The following PSME4 variants were observed in gnomAD, a reference collection of about 807,000 sequenced individuals.
PSME4 encodes the protein proteasome activator complex subunit 4.
PSME4 carries 89 observed loss-of-function variants against 253.9 expected under a neutral mutation model. The observed-to-expected ratio is 0.35, with a 90% CI of 0.30 to 0.42. The LOEUF (loss-of-function observed/expected upper bound fraction) is 0.42, where lower values mean the gene tolerates loss of function less well. PSME4 is among the 10% of genes least tolerant of loss of function. PSME4 has a pLI of 1.00. For synonymous variants in PSME4, 851 were observed against 759.2 expected (o/e 1.12, Z -1.99); for missense variants, 2,014 against 2,195.2 (o/e 0.92, Z 1.65).
At chr2:53,956,397 G>A (rs921556982) in intron 1 of PSME4, among the ~76,000 whole-genome samples, 1 of 151,662 alleles carries the variant, frequency 6.6e-6, no homozygotes, top group Non-Finnish European at 1.5e-5. Context: ...GGGCATGGTG[G>A]TTAGTGCCTA....
chr2:53,934,635 T>G lies in PSME4; in HGVS notation c.927A>C (p.Gly309=). ...PRFLTNAYDI[G]HAVIWITAMM... is the part of the protein sequence containing the mutation. ...TGGCGGTGATCCATATTACAGCATG[T>G]CCTATATCATAAGCATTTGTTAAAA... Residue 309 remains glycine, a synonymous_variant, in exon 8 of 47, where the codon GGA becomes GGC. Coordinates refer to ENST00000404125, the MANE Select transcript of PSME4 (RefSeq NM_014614.3). The G allele has an allele frequency of 6.2e-7, 1 of 1,613,020 alleles. No individual in the cohort carries two copies. The highest frequency in any genetic ancestry group is 8.5e-7 in the Non-Finnish European group (1 of 1,179,216).
intron 3 of PSME4, among the ~76,000 whole-genome samples, chr2:53,945,512 A>C (rs577218158): frequency 6.6e-6 from 1 of 152,296 alleles, no homozygotes; most frequent in African/African-American, 2.4e-5. Context: ...AAGGAAGAGA[A>C]GAAAAGAGGG....
Position 53,896,792 on chromosome 2 carries a change from G to A in PSME4, c.3688+12C>T, listed in dbSNP as rs376463207. 3 of 1,578,578 alleles carry A rather than the reference G, an allele frequency of 1.9e-6. No homozygotes were observed. In the African/African-American group the frequency reaches 4.1e-5, roughly 21 times the overall value. The stretch of plus-strand genomic sequence containing the variant: ...TTGGAAAGCACTATTAATTACTTCT[G>A]GTAGTACTCACTGATTTCACAGGGG... On this transcript the variant is annotated intron_variant, in intron 32 of 46. Transcript: ENST00000404125.
intron 20 of PSME4, among the ~76,000 whole-genome samples, chr2:53,916,223 TA>T (rs1263819580): frequency 8.9e-6 from 1 of 112,306 alleles, no homozygotes; most frequent in East Asian, 2.6e-4. Flanking sequence ...GCCTGGGCAA[TA>T]GGGCGAGACT....
At chr2:53,910,012 G>A in intron 21 of PSME4, 63 bp downstream of exon 21, 1 of 1,277,980 alleles carries the variant, frequency 7.8e-7, no homozygotes, top group Non-Finnish European at 1.1e-6. Flanking sequence ...CTTCATTTTA[G>A]TCCTTGTGGA....
chr2:53,970,045 C>G (rs551650175), intron 1 of PSME4, among the ~76,000 whole-genome samples: 1 of 152,166 alleles, frequency 6.6e-6, no homozygotes, highest in Non-Finnish European at 1.5e-5. Flanking sequence ...TCCCTATGGT[C>G]TTCTCTCCAT....
intron 43 of PSME4, among the ~76,000 whole-genome samples, chr2:53,872,967 G>A (rs1044754293): frequency 3.3e-5 from 5 of 151,578 alleles, no homozygotes; most frequent in African/African-American, 2.4e-5. Flanking sequence ...CAGGCCAGGC[G>A]TGGTGGCTCA....
chr2:53,935,141 A>AGT (rs1184713883), intron 7 of PSME4, among the ~76,000 whole-genome samples: 1 of 152,244 alleles, frequency 6.6e-6, no homozygotes, highest in Non-Finnish European at 1.5e-5. Flanking sequence ...CCTAAATGCA[A>AGT]GTATCTTCTA....
At chr2:53,922,656 C>G (rs1420246328) in intron 16 of PSME4, 72 bp from the exon 17 acceptor site, 57 of 1,505,114 alleles carry the variant, frequency 3.8e-5, no homozygotes, top group Non-Finnish European at 5.0e-5. Context: ...TAAAATACTT[C>G]TATTTAATAT....
intron 31 of PSME4, 69 bp from the exon 32 acceptor site, chr2:53,896,954 TC>T (rs1667098660): frequency 1.4e-5 from 16 of 1,145,762 alleles, no homozygotes; most frequent in Non-Finnish European, 2.1e-5. Flanking sequence ...TCTGCTTTAC[TC>T]AAAGCAGAAA....
chr2:53,935,285 G>T (rs1433484368), intron 7 of PSME4, among the ~76,000 whole-genome samples: 1 of 152,102 alleles, frequency 6.6e-6, no homozygotes, highest in Non-Finnish European at 1.5e-5. Context: ...ATAGGTAGCG[G>T]CCCAAAGGTG....
At chr2:53,934,564 T>C (rs1324097969) in intron 8 of PSME4, 41 bp downstream of exon 8, 24 of 1,572,658 alleles carry the variant, frequency 1.5e-5, no homozygotes, top group East Asian at 6.8e-5. Context: ...TAACACAAAA[T>C]AGGCGTAAAC....
At chr2:53,890,688 C>T (rs1007843342) in intron 36 of PSME4, among the ~76,000 whole-genome samples, 1 of 151,916 alleles carries the variant, frequency 6.6e-6, no homozygotes, top group African/African-American at 2.4e-5. Flanking sequence ...AAATTTTTTC[C>T]CAAAAAATAT....
chr2:53,876,817 C>T (rs1456008248), intron 41 of PSME4, among the ~76,000 whole-genome samples: 4 of 145,074 alleles, frequency 2.8e-5, no homozygotes, highest in East Asian at 2.1e-4. Context: ...TTTCTGGGGT[C>T]GGTGATCCTC....
Position 53,910,234 on chromosome 2 carries a change from T to C in PSME4, c.2517-104A>G. The C allele has an allele frequency of 5.6e-6, 5 of 891,768 alleles. No individual in the cohort carries two copies. The South Asian group carries it at 7.2e-5, about 13-fold the overall frequency. The allele number at this position is 891,768 out of a possible 1,614,324, so 55.2% of individuals were successfully genotyped here. ...TGTTTAAACCAAAACAAAGATAATGTTCTTTTAACAGACACAGATTTCCCA... is the reference window on the plus strand; with the variant it reads ...TGTTTAAACCAAAACAAAGATAATGCTCTTTTAACAGACACAGATTTCCCA... On this transcript the variant is annotated intron_variant, in intron 20 of 46. Transcript: ENST00000404125.
chr2:53,936,253 A>T (rs1669111230), intron 6 of PSME4, 92 bp from the exon 7 acceptor site: 1 of 1,555,514 alleles, frequency 6.4e-7, no homozygotes, highest in Non-Finnish European at 8.7e-7. Flanking sequence ...TCTTTTTGGC[A>T]ATCATTAGTG....
Position 53,957,711 on chromosome 2 carries a change from C to T in PSME4, c.243-8428G>A, listed in dbSNP as rs1388626778. Reference sequence around the variant, plus strand: ...TAAGCAGAGTAAAATGTTTAAGTATCACCATTTTGGAATCCCTAGCGATGT... The same window carrying T: ...TAAGCAGAGTAAAATGTTTAAGTATTACCATTTTGGAATCCCTAGCGATGT... On this transcript the variant is annotated intron_variant, in intron 1 of 46. Transcript: ENST00000404125. Among the ~76,000 whole-genome samples, 4 of 152,238 alleles carry T rather than the reference C, an allele frequency of 2.6e-5. No homozygotes were observed. The East Asian group carries it at 5.8e-4, about 22-fold the overall frequency.
chr2:53,964,049 T>C (rs1029328998), intron 1 of PSME4, among the ~76,000 whole-genome samples: 4 of 152,150 alleles, frequency 2.6e-5, no homozygotes, highest in Non-Finnish European at 4.4e-5. Flanking sequence ...AGTTTAAATA[T>C]TAGAAAACTT....
chr2:53,895,411 G>T (rs1440410850), intron 33 of PSME4, among the ~76,000 whole-genome samples, 172 bp downstream of exon 33: 1 of 152,168 alleles, frequency 6.6e-6, no homozygotes, highest in African/African-American at 2.4e-5. Context: ...TTTGCACAAG[G>T]AAAGAGGCAG....
Sources: gnomAD v4.1 joint callset for allele counts (sites outside exome capture counted in the v4.1 genomes callset) on GRCh38, gnomAD v4.1.1 for gene constraint, MANE v1.5 for transcripts, NCBI Gene and HGNC (gene_info 2026-07-23, HGNC 2026-07-21) for gene names.